The following DTWD2 variants were observed in gnomAD, a reference collection of about 807,000 sequenced individuals.
DTWD2 encodes the protein DTW motif tRNA-uridine aminocarboxypropyltransferase 2.
In DTWD2, 39 loss-of-function variants were observed where a neutral mutation model predicts 31.8. That is an observed-to-expected ratio of 1.22 (90% CI 0.95 to 1.60). The LOEUF (loss-of-function observed/expected upper bound fraction) is 1.60, where lower values mean the gene tolerates loss of function less well. Among genes scored for constraint, DTWD2 ranks in the 40% most tolerant of loss-of-function variants. The pLI is 0.00. For missense variants in DTWD2, 515 were observed against 381.5 expected (o/e 1.35, Z -2.92); for synonymous variants, 180 against 142.8 (o/e 1.26, Z -1.86).
intron 4 of DTWD2, among the ~76,000 whole-genome samples, chr5:118,925,946 TAAAC>T (rs1349715705): frequency 1.3e-5 from 2 of 151,466 alleles, no homozygotes; most frequent in East Asian, 3.9e-4. Flanking sequence ...AAAAAACACA[TAAAC>T]AAAGTGTGAT....
At chr5:118,912,564 T>C (rs1753480532) in intron 4 of DTWD2, among the ~76,000 whole-genome samples, 1 of 152,188 alleles carries the variant, frequency 6.6e-6, no homozygotes, top group African/African-American at 2.4e-5. Flanking sequence ...GCCCATATTG[T>C]TTTACTCTAC....
intron 1 of DTWD2, chr5:118,973,779 C>G: frequency 6.2e-7 from 1 of 1,611,136 alleles, no homozygotes; most frequent in Non-Finnish European, 8.5e-7. Context: ...TGCATCGGAT[C>G]ACCGGCGTGC....
intron 4 of DTWD2, among the ~76,000 whole-genome samples, chr5:118,877,340 C>T (rs1391794664): frequency 1.3e-5 from 2 of 151,908 alleles, no homozygotes; most frequent in East Asian, 1.9e-4. Flanking sequence ...GGCGTGGTGG[C>T]GGGTGCCTGT....
intron 4 of DTWD2, among the ~76,000 whole-genome samples, chr5:118,878,584 G>T (rs1396717730): frequency 6.6e-6 from 1 of 152,072 alleles, no homozygotes; most frequent in Non-Finnish European, 1.5e-5. Context: ...CAGGACACAG[G>T]CACAGGCAGA....
intron 4 of DTWD2, among the ~76,000 whole-genome samples, chr5:118,884,586 CTT>C (rs1752813542): frequency 6.6e-6 from 1 of 152,198 alleles, no homozygotes; most frequent in Non-Finnish European, 1.5e-5. Context: ...ATATTTCACA[CTT>C]TAGCCAATTA....
At chr5:118,880,877 T>C (rs558084697) in intron 4 of DTWD2, among the ~76,000 whole-genome samples, 2 of 152,214 alleles carry the variant, frequency 1.3e-5, no homozygotes, top group Admixed American at 6.5e-5. Context: ...TTAAAACAAA[T>C]ACATTTCTCA....
At chr5:118,931,991 T>A (rs1445901055) in intron 3 of DTWD2, among the ~76,000 whole-genome samples, 1 of 152,148 alleles carries the variant, frequency 6.6e-6, no homozygotes, top group Non-Finnish European at 1.5e-5. Flanking sequence ...GGTCAAGAGA[T>A]AAGTCCCAAG....
intron 4 of DTWD2, among the ~76,000 whole-genome samples, chr5:118,925,109 G>C (rs540049297): frequency 6.6e-5 from 10 of 152,138 alleles, no homozygotes; most frequent in Admixed American, 5.2e-4. Flanking sequence ...CAGAAGTCAG[G>C]GTTCCATTGT....
intron 4 of DTWD2, among the ~76,000 whole-genome samples, chr5:118,879,356 C>G (rs1482050985): frequency 1.3e-5 from 2 of 152,072 alleles, no homozygotes; most frequent in African/African-American, 2.4e-5. Context: ...CCTGTAATAT[C>G]AGCACTTTGG....
At chr5:118,927,642 G>A (rs988266649) in intron 4 of DTWD2, among the ~76,000 whole-genome samples, 1 of 152,012 alleles carries the variant, frequency 6.6e-6, no homozygotes, top group Non-Finnish European at 1.5e-5. Context: ...AGAGAAAAGA[G>A]ATAATTCCCT....
At chr5:118,966,779 C>T (rs1460517956) in intron 1 of DTWD2, among the ~76,000 whole-genome samples, 1 of 152,088 alleles carries the variant, frequency 6.6e-6, no homozygotes, top group African/African-American at 2.4e-5. Context: ...CCTGTAATCC[C>T]AGCACTTTGA....
chr5:118,895,595 T>C (rs1370730030), intron 4 of DTWD2, among the ~76,000 whole-genome samples: 3 of 152,224 alleles, frequency 2.0e-5, no homozygotes, highest in African/African-American at 7.2e-5. Flanking sequence ...GGCATCACAT[T>C]GTCTGATTCC....
chr5:118,986,159 A>T (rs1755422391), intron 1 of DTWD2, among the ~76,000 whole-genome samples: 1 of 152,046 alleles, frequency 6.6e-6, no homozygotes, highest in Non-Finnish European at 1.5e-5. Flanking sequence ...AATGATACAT[A>T]CTCTGGGGAG....
At chr5:118,908,415 T>C (rs527454363) in intron 4 of DTWD2, among the ~76,000 whole-genome samples, 23 of 152,156 alleles carry the variant, frequency 1.5e-4, no homozygotes, top group Non-Finnish European at 2.8e-4. Flanking sequence ...CCAAGCTTCA[T>C]TGCATTTCTG....
At chr5:118,964,209 C>T (rs1343075598) in intron 1 of DTWD2, among the ~76,000 whole-genome samples, 1 of 143,436 alleles carries the variant, frequency 7.0e-6, no homozygotes, top group African/African-American at 2.7e-5. Flanking sequence ...CAGAGCAAGA[C>T]TCCATCTCAA....
At chr5:118,978,539 CCAA>C (rs1209307286) in intron 1 of DTWD2, among the ~76,000 whole-genome samples, 1 of 152,082 alleles carries the variant, frequency 6.6e-6, no homozygotes. Flanking sequence ...CAGAAAAAAA[CCAA>C]CAACCCCATT....
At chr5:118,871,563 T>C (rs186341177) in intron 4 of DTWD2, among the ~76,000 whole-genome samples, 1 of 152,362 alleles carries the variant, frequency 6.6e-6, no homozygotes, top group Admixed American at 6.5e-5. Flanking sequence ...ATCTCCTTTA[T>C]ACATCTTCAT....
intron 1 of DTWD2, among the ~76,000 whole-genome samples, chr5:118,971,454 C>T (rs1246451549): frequency 6.6e-6 from 1 of 152,128 alleles, no homozygotes; most frequent in South Asian, 2.1e-4. Flanking sequence ...TATATATGCA[C>T]CCAATACAGT....
At chr5:118,860,784 T>C (rs532785434) in intron 4 of DTWD2, among the ~76,000 whole-genome samples, 9 of 152,326 alleles carry the variant, frequency 5.9e-5, no homozygotes, top group Admixed American at 5.9e-4. Context: ...TTGCCATATA[T>C]CTAAGGGCTC....
Sources: allele counts gnomAD v4.1 joint callset (sites outside exome capture counted in the v4.1 genomes callset), GRCh38; gene constraint gnomAD v4.1.1; transcripts MANE v1.5; gene names NCBI Gene and HGNC (gene_info 2026-07-23, HGNC 2026-07-21).